The following SLC66A2 variants were observed in gnomAD, a reference collection of about 807,000 sequenced individuals.
SLC66A2 encodes PQ loop repeat containing 1.
Under a neutral mutation model 25.5 loss-of-function variants are expected in SLC66A2, and 23 were observed. The observed-to-expected ratio is 0.90, with a 90% CI of 0.65 to 1.28. The LOEUF (loss-of-function observed/expected upper bound fraction) is 1.28, where lower values mean the gene tolerates loss of function less well. Among genes scored for constraint, SLC66A2 ranks in the 50% most tolerant of loss-of-function variants. The pLI is 0.00. For missense variants in SLC66A2, 396 were observed against 373.1 expected (o/e 1.06, Z -0.51); for synonymous variants, 193 against 166.5 (o/e 1.16, Z -1.23).
At chr18:79,928,847 C>G (rs1341627496) in intron 4 of SLC66A2, among the ~76,000 whole-genome samples, 1 of 152,134 alleles carries the variant, frequency 6.6e-6, no homozygotes, top group Non-Finnish European at 1.5e-5. Context: ...CTGAGCATCC[C>G]TTGTCCCTGC....
rs116232647 is a variant in SLC66A2 at position 79,917,913 on chromosome 18, A to G, written c.608+1271T>C. Among the ~76,000 whole-genome samples, 1,515 of 151,048 alleles carry G rather than the reference A, an allele frequency of 0.01. 26 individuals are homozygous for G. The highest frequency in any genetic ancestry group is 0.034 in the African/African-American group (1,405 of 41,042). On this transcript the variant is annotated intron_variant, in intron 5 of 5. Transcript: ENST00000397778. The surrounding 1 kb of genome is among the most constrained non-coding windows in gnomAD (Gnocchi z 6.0). ...ACCCATGCCCCACACCTCTACCTAC[A>G]GCCCACACCGGAACTCCATACCCCA...
chr18:79,905,641 C>T (rs1402312064), intron 5 of SLC66A2, among the ~76,000 whole-genome samples: 1 of 152,272 alleles, frequency 6.6e-6, no homozygotes. Context: ...ACGCAGCTTC[C>T]GGTTGACCCC....
At chr18:79,911,806 CAGCAGGGAGGGGATGG>C (rs1983178230) in intron 5 of SLC66A2, among the ~76,000 whole-genome samples, 1 of 128,658 alleles carries the variant, frequency 7.8e-6, no homozygotes, top group African/African-American at 3.0e-5. Flanking sequence ...AGAGGGGAGG[CAGCAGGGAGGGGATGG>C]AGCAGGAAGG....
intron 2 of SLC66A2, chr18:79,947,427 C>T (rs11081574): frequency 0.13 from 19,593 of 152,464 alleles, 1,321 homozygotes; most frequent in East Asian, 0.22. Context: ...ACTGCAGAGC[C>T]CCATATGCCA....
chr18:79,929,158 G>C, intron 4 of SLC66A2, among the ~76,000 whole-genome samples: 1 of 152,224 alleles, frequency 6.6e-6, no homozygotes, highest in East Asian at 1.9e-4. Flanking sequence ...TTATCAAACA[G>C]AACCAGAAAG....
At position 79,940,985 on chromosome 18, in the gene SLC66A2, T is replaced by C. The variant is rs1477552005; in HGVS notation, c.337+2344A>G. 6.6e-6 allele frequency among the ~76,000 whole-genome samples: 1 copy of C among 152,042 alleles called. No individual in the cohort carries two copies. Among genetic ancestry groups the C allele is most frequent in the East Asian group, 1.9e-4 (1 of 5,180 alleles). ...GGCTGACCCCAGGAGCCCGGCCCCC[T>C]ACCCCTCGTGGCGGCCCTGGACTGC... On this transcript the variant is annotated intron_variant, in intron 3 of 5. Transcript: ENST00000397778. This position sits in a 1 kb window ranked among gnomAD's most constrained non-coding sequence, Gnocchi z 4.1.
In SLC66A2 at chr18:79,940,296, T is replaced by G. The variant is rs1319375942; in HGVS notation, c.337+3033A>C. 1.3e-5 allele frequency among the ~76,000 whole-genome samples: 2 copies of G among 152,086 alleles called. No homozygotes were observed. The highest frequency in any genetic ancestry group is 4.8e-5 in the African/African-American group (2 of 41,422). On this transcript the variant is annotated intron_variant, in intron 3 of 5. Coordinates refer to ENST00000397778, the MANE Select transcript of SLC66A2 (RefSeq NM_025078.5). This position sits in a 1 kb window ranked among gnomAD's most constrained non-coding sequence, Gnocchi z 4.1. ...ACCAGTGGGTACTAGGCTTAATACC[T>G]GGGTGATGAAATAATCTGCACACTG...
chr18:79,934,313 C>T (rs545911131), intron 3 of SLC66A2, among the ~76,000 whole-genome samples: 52 of 152,274 alleles, frequency 3.4e-4, no homozygotes, highest in Middle Eastern at 6.8e-3. Context: ...CATTTAATCT[C>T]TCGGGAGAAA....
intron 5 of SLC66A2, among the ~76,000 whole-genome samples, chr18:79,912,116 CG>C (rs1983292417): frequency 1.3e-5 from 1 of 79,304 alleles, no homozygotes; most frequent in African/African-American, 5.5e-5. Flanking sequence ...GTGGGGGGGA[CG>C]GGAGCAGGGA....
chr18:79,912,495 ATATCGCCAGGCCACG>A (rs1298662907), intron 5 of SLC66A2, among the ~76,000 whole-genome samples: 1 of 152,154 alleles, frequency 6.6e-6, no homozygotes, highest in Non-Finnish European at 1.5e-5. Flanking sequence ...ACAAGGTCAC[ATATCGCCAGGCCACG>A]TGTCGCCAGG....
rs984548278 is a variant in SLC66A2, at chr18:79,940,272, C to A, written c.337+3057G>T. ...GGAGGGAGAGGACCGGGAAAAATAA[C>A]CAGTGGGTACTAGGCTTAATACCTG... On this transcript the variant is annotated intron_variant, in intron 3 of 5. Transcript: ENST00000397778. The surrounding 1 kb of genome is among the most constrained non-coding windows in gnomAD (Gnocchi z 4.1). Among the ~76,000 whole-genome samples the A allele has an allele frequency of 6.6e-6, 1 of 152,070 alleles. No homozygotes were observed. The highest frequency in any genetic ancestry group is 6.5e-5 in the Admixed American group (1 of 15,268).
intron 5 of SLC66A2, among the ~76,000 whole-genome samples, chr18:79,907,967 A>G (rs965855066): frequency 5.9e-5 from 9 of 152,082 alleles, no homozygotes; most frequent in Non-Finnish European, 1.3e-4. Flanking sequence ...ACATTTTATT[A>G]CTTTAAGTGG....
At chr18:79,950,072 G>A (rs538169467) in intron 2 of SLC66A2, among the ~76,000 whole-genome samples, 1 of 152,196 alleles carries the variant, frequency 6.6e-6, no homozygotes, top group South Asian at 2.1e-4. Context: ...GCCAGGCGCC[G>A]TGGCTCAGCT....
chr18:79,939,485 G>A (rs1026605828), intron 3 of SLC66A2, among the ~76,000 whole-genome samples: 14 of 152,120 alleles, frequency 9.2e-5, no homozygotes, highest in African/African-American at 2.9e-4. Context: ...TGCAAACTAC[G>A]CATTTGACAA....
At chr18:79,908,034 G>A (rs1279832958) in intron 5 of SLC66A2, among the ~76,000 whole-genome samples, 1 of 152,066 alleles carries the variant, frequency 6.6e-6, no homozygotes, top group Non-Finnish European at 1.5e-5. Context: ...CATTGGACTT[G>A]TCACGTACAG....
intron 2 of SLC66A2, among the ~76,000 whole-genome samples, chr18:79,945,531 G>A (rs1055086377): frequency 2.6e-5 from 4 of 152,204 alleles, no homozygotes; most frequent in Non-Finnish European, 4.4e-5. Context: ...GATGCTTCCC[G>A]AGGAAGCCTC....
chr18:79,906,230 G>T (rs1024473100), intron 5 of SLC66A2, among the ~76,000 whole-genome samples: 1 of 152,100 alleles, frequency 6.6e-6, no homozygotes, highest in African/African-American at 2.4e-5. Flanking sequence ...CTGCAGTTTT[G>T]TTTTCATTTT....
At chr18:79,929,632 G>A (rs1026646448) in intron 4 of SLC66A2, among the ~76,000 whole-genome samples, 12 of 152,126 alleles carry the variant, frequency 7.9e-5, no homozygotes, top group Non-Finnish European at 4.4e-5. Flanking sequence ...GGACTCAGTA[G>A]AAGAAGACTT....
In SLC66A2 at chr18:79,919,214, T is replaced by C. The variant is rs777206274; in HGVS notation, c.578A>G (p.Asn193Ser). The change falls in exon 5 of 6, where the codon AAC (asparagine) becomes AGC (serine). Residue 193 changes from asparagine (N) to serine (S), a missense_variant. Asn to Ser is a conservative substitution (Grantham distance 46, BLOSUM62 1). Coordinates refer to ENST00000397778, the MANE Select transcript of SLC66A2 (RefSeq NM_025078.5). ...AMLGVPQLYR[N>S]HRHQSTEGMS... The stretch of plus-strand genomic sequence containing the variant: ...GCCCTCCGTGGACTGGTGGCGGTGG[T>C]TGCGGTAAAGCTGGGGCACACCCAG... 5.0e-6 allele frequency: 8 copies of C among 1,612,930 alleles called. No individual in the cohort carries two copies. The highest frequency in any genetic ancestry group is 2.2e-5 in the South Asian group (2 of 91,082).
Sources: allele counts gnomAD v4.1 joint callset (sites outside exome capture counted in the v4.1 genomes callset), GRCh38; gene constraint gnomAD v4.1.1; non-coding constraint Gnocchi (gnomAD v3.1); transcripts MANE v1.5; gene names NCBI Gene and HGNC (gene_info 2026-07-23, HGNC 2026-07-21).